The following IQCH variants were observed in gnomAD, a reference collection of about 807,000 sequenced individuals.
IQCH encodes the protein IQ motif containing H, also known as IQ domain-containing protein H.
Under a neutral mutation model 117.0 loss-of-function variants are expected in IQCH, and 98 were observed. The observed-to-expected ratio is 0.84, with a 90% CI of 0.71 to 0.99. The LOEUF is 0.99. Among genes scored for constraint, IQCH ranks in the 50% least tolerant of loss-of-function variants. The pLI, the probability that IQCH is intolerant of heterozygous loss-of-function variation, is 0.00. For synonymous variants in IQCH, 412 were observed against 448.2 expected (o/e 0.92, Z 1.02); for missense variants, 1,102 against 1,243.8 (o/e 0.89, Z 1.72).
At chr15:67,397,355 C>T (rs753436118) in intron 13 of IQCH, among the ~76,000 whole-genome samples, 1 of 152,190 alleles carries the variant, frequency 6.6e-6, no homozygotes, top group Non-Finnish European at 1.5e-5. Context: ...AGAAGTATGA[C>T]TAAAAACCTC....
At chr15:67,343,872 C>T (rs577272927) in intron 5 of IQCH, among the ~76,000 whole-genome samples, 191 bp from the exon 6 acceptor site, 5 of 151,852 alleles carry the variant, frequency 3.3e-5, no homozygotes, top group Non-Finnish European at 5.9e-5. Context: ...GACATTTTTC[C>T]TTGGGTTAGA....
At chr15:67,470,724 C>A (rs1250795154) in intron 17 of IQCH, among the ~76,000 whole-genome samples, 1 of 152,162 alleles carries the variant, frequency 6.6e-6, no homozygotes, top group Non-Finnish European at 1.5e-5. Flanking sequence ...CTTTGAAATA[C>A]ATAATATATT....
chr15:67,468,206 C>A (rs1437770421), intron 17 of IQCH, among the ~76,000 whole-genome samples: 1 of 152,194 alleles, frequency 6.6e-6, no homozygotes, highest in Admixed American at 6.5e-5. Flanking sequence ...ACCCTCCATA[C>A]CATGGTTGGT....
At chr15:67,497,796 A>C (rs2083863805) in intron 20 of IQCH, among the ~76,000 whole-genome samples, 1 of 152,152 alleles carries the variant, frequency 6.6e-6, no homozygotes, top group African/African-American at 2.4e-5. Context: ...GGCCAGGAAT[A>C]AATTTAACAG....
chr15:67,412,147 A>C (rs2081466269), intron 14 of IQCH, among the ~76,000 whole-genome samples: 1 of 152,236 alleles, frequency 6.6e-6, no homozygotes, highest in Non-Finnish European at 1.5e-5. Context: ...AGCCAGTGCA[A>C]TCATGATGGA....
chr15:67,340,817 C>T (rs1451330445), intron 5 of IQCH, among the ~76,000 whole-genome samples: 5 of 152,194 alleles, frequency 3.3e-5, no homozygotes, highest in Admixed American at 2.0e-4. Context: ...ACATTCTGCA[C>T]TCACAATGGG....
Position 67,476,058 on chromosome 15 carries a change from A to G in IQCH, c.2799+240A>G, listed in dbSNP as rs1408446676. Reference sequence around the variant, plus strand: ...TACACACCCACTTTGCTAAAGCAGAAGCCATGCAAGCTCTCCAGACTTAGG... The same window carrying G: ...TACACACCCACTTTGCTAAAGCAGAGGCCATGCAAGCTCTCCAGACTTAGG... On this transcript the variant is annotated intron_variant, in intron 18 of 20. Transcript: ENST00000335894. This position sits in a 1 kb window ranked among gnomAD's most constrained non-coding sequence, Gnocchi z 4.1. Among the ~76,000 whole-genome samples, 2 of 152,254 alleles carry G rather than the reference A, an allele frequency of 1.3e-5. No homozygotes were observed. The highest frequency in any genetic ancestry group is 2.9e-5 in the Non-Finnish European group (2 of 68,048).
chr15:67,350,362 G>T (rs1478106017), intron 6 of IQCH, among the ~76,000 whole-genome samples: 1 of 152,154 alleles, frequency 6.6e-6, no homozygotes, highest in Non-Finnish European at 1.5e-5. Flanking sequence ...TGGGGATGGG[G>T]AGAGTAGTTG....
intron 4 of IQCH, among the ~76,000 whole-genome samples, chr15:67,287,043 T>C (rs1159764297): frequency 6.6e-6 from 1 of 152,258 alleles, no homozygotes; most frequent in Non-Finnish European, 1.5e-5. Context: ...TATGGTTTTG[T>C]CCTCTATTCT....
chr15:67,438,383 A>G (rs2082189891), intron 16 of IQCH, among the ~76,000 whole-genome samples: 1 of 152,236 alleles, frequency 6.6e-6, no homozygotes, highest in African/African-American at 2.4e-5. Flanking sequence ...CACCACTACA[A>G]GAACTGCTAA....
In IQCH at chr15:67,443,205, G is replaced by T. The variant is rs1469389769; in HGVS notation, c.2505+21628G>T. Among the ~76,000 whole-genome samples, 1 of 152,122 alleles carries T rather than the reference G, an allele frequency of 6.6e-6. No homozygotes were observed. Among genetic ancestry groups the T allele is most frequent in the Non-Finnish European group, 1.5e-5 (1 of 68,018 alleles). ...GACGGGGTTTCACCGTGTTAACCAG[G>T]ATGGTCTCGATCTCCTGAACTCGTC... On this transcript the variant is annotated intron_variant, in intron 16 of 20. Coordinates refer to ENST00000335894, the MANE Select transcript of IQCH (RefSeq NM_001031715.3). The surrounding 1 kb of genome is among the most constrained non-coding windows in gnomAD (Gnocchi z 5.0).
intron 6 of IQCH, among the ~76,000 whole-genome samples, chr15:67,346,590 C>T (rs1969402617): frequency 1.3e-5 from 2 of 152,158 alleles, no homozygotes; most frequent in Admixed American, 6.5e-5. Context: ...AATGCTTGCT[C>T]ACCTGCCACT....
At chr15:67,451,197 G>T (rs1192501516) in intron 16 of IQCH, among the ~76,000 whole-genome samples, 5 of 152,010 alleles carry the variant, frequency 3.3e-5, no homozygotes, top group African/African-American at 1.2e-4. Flanking sequence ...TTGATTTTTT[G>T]AAGGGTTTCT....
chr15:67,422,838 G>T lies in IQCH; in HGVS notation c.2505+1261G>T, dbSNP rs1310089510. ...GACTCGTGTTTTAAAATGTCCGGTT[G>T]CTCCTCTCTTAGTGCTGCATGTCCA... On this transcript the variant is annotated intron_variant, in intron 16 of 20. Coordinates refer to ENST00000335894, the MANE Select transcript of IQCH (RefSeq NM_001031715.3). The surrounding 1 kb of genome is among the most constrained non-coding windows in gnomAD (Gnocchi z 4.7). 6.6e-6 allele frequency among the ~76,000 whole-genome samples: 1 copy of T among 152,134 alleles called. No individual in the cohort carries two copies. Among genetic ancestry groups the T allele is most frequent in the Non-Finnish European group, 1.5e-5 (1 of 68,030 alleles).
intron 5 of IQCH, among the ~76,000 whole-genome samples, chr15:67,338,953 A>G (rs1422392829): frequency 6.6e-6 from 1 of 152,172 alleles, no homozygotes; most frequent in Admixed American, 6.5e-5. Flanking sequence ...GGCTTTCACA[A>G]GTGCCTTTTC....
chr15:67,437,271 T>C (rs1367523571), intron 16 of IQCH, among the ~76,000 whole-genome samples: 1 of 152,094 alleles, frequency 6.6e-6, no homozygotes, highest in Non-Finnish European at 1.5e-5. Context: ...CAGAGCCAGG[T>C]AGACTTGATG....
chr15:67,377,988 A>G (rs1395627935), intron 10 of IQCH, among the ~76,000 whole-genome samples: 1 of 152,116 alleles, frequency 6.6e-6, no homozygotes, highest in Non-Finnish European at 1.5e-5. Flanking sequence ...GAAATACAGC[A>G]TTTTCCAGCT....
intron 4 of IQCH, among the ~76,000 whole-genome samples, chr15:67,312,932 CT>C (rs1194525562): frequency 3.3e-5 from 5 of 152,106 alleles, no homozygotes; most frequent in African/African-American, 1.2e-4. Context: ...CATTCCTAGA[CT>C]TTTAAAACCT....
At position 67,494,426 on chromosome 15, in the gene IQCH, C is replaced by A; in HGVS notation, c.2970+60C>A. ...TTCTATACAAGGGCTGAAAATACCT[C>A]ATGCTGTATTGTAAACAAGTGCTAA... On this transcript the variant is annotated intron_variant, in intron 20 of 20. Transcript: ENST00000335894. The surrounding 1 kb of genome is among the most constrained non-coding windows in gnomAD (Gnocchi z 5.5). The A allele has an allele frequency of 3.5e-6, 4 of 1,139,402 alleles. No homozygotes were observed. The highest frequency in any genetic ancestry group is 3.9e-6 in the Non-Finnish European group (3 of 769,880). The allele number at this position is 1,139,402 out of a possible 1,614,324, so 70.6% of individuals were successfully genotyped here.
Sources: allele counts gnomAD v4.1 joint callset (sites outside exome capture counted in the v4.1 genomes callset), GRCh38; gene constraint gnomAD v4.1.1; non-coding constraint Gnocchi (gnomAD v3.1); transcripts MANE v1.5; gene names NCBI Gene and HGNC (gene_info 2026-07-23, HGNC 2026-07-21).